The following GSE1 variants were observed in gnomAD, a reference collection of about 807,000 sequenced individuals.
GSE1 encodes Gse1 coiled-coil protein, also known as genetic suppressor element 1.
Under a neutral mutation model 112.6 loss-of-function variants are expected in GSE1, and 32 were observed. The ratio of observed to expected loss-of-function variants is 0.28; its 90% CI spans 0.21 to 0.38. The LOEUF (loss-of-function observed/expected upper bound fraction) is 0.38, where lower values mean the gene tolerates loss of function less well. GSE1 is among the 10% of genes least tolerant of loss of function. The pLI is 1.00. For missense variants in GSE1, 2,348 were observed against 1,699.2 expected, an observed-to-expected ratio of 1.38 and a Z score of -6.71; for synonymous variants, 1,115 against 735.6, an observed-to-expected ratio of 1.52 and a Z score of -8.35.
chr16:85,654,395 C>A lies in GSE1; in HGVS notation c.544C>A (p.Pro182Thr), dbSNP rs373051722. 1.2e-6 allele frequency: 2 copies of A among 1,604,610 alleles called. No homozygotes were observed. The highest frequency in any genetic ancestry group is 2.7e-5 in the African/African-American group (2 of 74,626). ...CTCGCACCTGCTCAGCACCCCCTACCCCTTCGGCCTCTCCCCCAGCTCAGT... is the reference window on the plus strand; with the variant it reads ...CTCGCACCTGCTCAGCACCCCCTACACCTTCGGCCTCTCCCCCAGCTCAGT... ...IPSHLLSTPY[P>T]FGLSPSSVVQ... Residue 182 changes from proline to threonine, a missense_variant, in exon 4 of 16, where the codon CCC becomes ACC. Physicochemically the swap from Pro to Thr is conservative, Grantham distance 38. Coordinates refer to ENST00000253458, the MANE Select transcript of GSE1 (RefSeq NM_014615.5).
chr16:85,461,796 C>G (rs1176121570), intron 2 of GSE1, among the ~76,000 whole-genome samples: 1 of 152,156 alleles, frequency 6.6e-6, no homozygotes, highest in Non-Finnish European at 1.5e-5. Context: ...TGCAGCTCCC[C>G]TATTCCATCC....
chr16:85,537,339 G>A (rs543798031), intron 2 of GSE1, among the ~76,000 whole-genome samples: 7 of 152,298 alleles, frequency 4.6e-5, no homozygotes, highest in African/African-American at 1.2e-4. Flanking sequence ...GAGAGAGGGC[G>A]GGACAGTGGA....
chr16:85,281,636 C>T (rs2044861026), intron 1 of GSE1, among the ~76,000 whole-genome samples: 1 of 152,120 alleles, frequency 6.6e-6, no homozygotes, highest in Non-Finnish European at 1.5e-5. Flanking sequence ...AGAGAAAACC[C>T]TAGAAGAATG....
Position 85,672,467 on chromosome 16 carries a change from C to T in GSE1, c.3582C>T (p.Asp1194=), listed in dbSNP as rs771349834. ...GGGAGCGGCTCCAGGCAGAACTGGACCACTTACGAAAGTGCCTTGCCTTGC... is the reference window on the plus strand; with the variant it reads ...GGGAGCGGCTCCAGGCAGAACTGGATCACTTACGAAAGTGCCTTGCCTTGC... ...SERERLQAEL[D]HLRKCLALPA... The change falls in exon 16 of 16, where the codon GAC becomes GAT. Residue 1194 remains aspartate, a synonymous_variant. Transcript: ENST00000253458. 20 of 1,608,958 alleles carry T rather than the reference C, an allele frequency of 1.2e-5. No homozygotes were observed. Among genetic ancestry groups the T allele is most frequent in the Non-Finnish European group, 1.6e-5 (19 of 1,175,644 alleles).
At position 85,656,484 on chromosome 16, in the gene GSE1, T is replaced by TGAGAAGGAGCGCGAGCGC. The variant is rs879255401; in HGVS notation, c.1135_1152dup (p.Lys379_Glu384dup). The TGAGAAGGAGCGCGAGCGC allele has an allele frequency of 2.6e-6, 4 of 1,520,002 alleles. No individual in the cohort carries two copies. Among genetic ancestry groups the TGAGAAGGAGCGCGAGCGC allele is most frequent in the East Asian group, 2.5e-5 (1 of 40,538 alleles). The allele number at this position is 1,520,002 out of a possible 1,614,324, so 94.2% of individuals were successfully genotyped here. A position where few individuals can be genotyped will look rare whatever the true frequency, so the allele number is the denominator to read the frequency against. ...GCGAGCAAGAGAAGGAGCGTGAGCGTGAGAAGGAGCGCGAGCGCGAGCTGG... is the reference window on the plus strand; with the variant it reads ...GCGAGCAAGAGAAGGAGCGTGAGCGTGAGAAGGAGCGCGAGCGCGAGAAGGAGCGCGAGCGCGAGCTGG... On this transcript the variant is annotated inframe_insertion, in exon 7 of 16. Coordinates refer to ENST00000253458, the MANE Select transcript of GSE1 (RefSeq NM_014615.5).
intron 2 of GSE1, among the ~76,000 whole-genome samples, chr16:85,437,374 C>T (rs531104055): frequency 3.3e-5 from 5 of 152,256 alleles, no homozygotes; most frequent in African/African-American, 1.2e-4. Context: ...TCCCTCTTCT[C>T]ATTTTTATTT....
chr16:85,474,856 A>G (rs1375579325), intron 2 of GSE1, among the ~76,000 whole-genome samples: 1 of 152,060 alleles, frequency 6.6e-6, no homozygotes, highest in Non-Finnish European at 1.5e-5. Context: ...GTTGCTTTTC[A>G]TACTTCACCC....
chr16:85,300,401 T>TGA (rs1486541423), intron 1 of GSE1, among the ~76,000 whole-genome samples: 2 of 152,188 alleles, frequency 1.3e-5, no homozygotes, highest in African/African-American at 2.4e-5. Flanking sequence ...TTCCCAAACT[T>TGA]TCTCCTCTTC....
chr16:85,601,145 G>T (rs1198383073), intron 1 of GSE1, among the ~76,000 whole-genome samples: 1 of 152,102 alleles, frequency 6.6e-6, no homozygotes, highest in African/African-American at 2.4e-5. Context: ...AGGGAAGGGT[G>T]GTGGGGCTGG....
intron 2 of GSE1, among the ~76,000 whole-genome samples, chr16:85,539,687 C>T (rs1269167208): frequency 1.3e-5 from 2 of 152,130 alleles, no homozygotes; most frequent in East Asian, 3.9e-4. Context: ...AGAGACATGT[C>T]ACGTTGAAGG....
intron 1 of GSE1, chr16:85,306,429 G>A (rs1003468976): frequency 6.5e-6 from 1 of 152,832 alleles, no homozygotes; most frequent in Non-Finnish European, 1.5e-5. Flanking sequence ...TGCTTCTGTT[G>A]TGAGTTGTGC....
rs1348539031 is a variant in GSE1, at chr16:85,269,721, G to C, written c.2284-87742G>C. ...GGAAGGGGCTCCCAGTGTCCCCAAA[G>C]AGGAGCTGCACCAGACGCCCTTGCA... On this transcript the variant is annotated intron_variant, in intron 1 of 2. Coordinates refer to the GSE1 transcript ENST00000637419. 2.7e-5 allele frequency among the ~76,000 whole-genome samples: 4 copies of C among 149,150 alleles called. 1 individual carries two copies. The highest frequency in any genetic ancestry group is 9.7e-5 in the African/African-American group (4 of 41,264).
At chr16:85,661,902 T>C in intron 9 of GSE1, 137 bp downstream of exon 9, 1 of 810,034 alleles carries the variant, frequency 1.2e-6, no homozygotes, top group East Asian at 2.7e-5. Flanking sequence ...AGGTGGCAAG[T>C]GCACTGGCTT....
chr16:85,244,018 C>G (rs1181961622), intron 1 of GSE1, among the ~76,000 whole-genome samples: 1 of 152,114 alleles, frequency 6.6e-6, no homozygotes, highest in Non-Finnish European at 1.5e-5. Flanking sequence ...CCCAGCTACT[C>G]AGGAGGCTGA....
chr16:85,478,294 A>G (rs2050524899), intron 2 of GSE1, among the ~76,000 whole-genome samples: 1 of 152,060 alleles, frequency 6.6e-6, no homozygotes, highest in South Asian at 2.1e-4. Context: ...TGGGAGGCCG[A>G]GGCGGGCAGA....
chr16:85,570,400 G>A (rs1219322986), intron 1 of GSE1, among the ~76,000 whole-genome samples: 1 of 152,218 alleles, frequency 6.6e-6, no homozygotes, highest in Non-Finnish European at 1.5e-5. Context: ...GTGGCCTGCT[G>A]GCAGGCACTT....
At chr16:85,523,597 G>T (rs528267307) in intron 2 of GSE1, among the ~76,000 whole-genome samples, 5 of 152,334 alleles carry the variant, frequency 3.3e-5, no homozygotes, top group Non-Finnish European at 7.4e-5. Flanking sequence ...CCTGGCCCCA[G>T]CCGTGGGGGC....
chr16:85,402,695 G>T (rs1276566498), intron 2 of GSE1, among the ~76,000 whole-genome samples: 1 of 152,218 alleles, frequency 6.6e-6, no homozygotes, highest in Non-Finnish European at 1.5e-5. Context: ...GCTGAGGCGG[G>T]AGGTTCACTT....
intron 12 of GSE1, 135 bp downstream of exon 12, chr16:85,665,263 AG>A (rs1426827359): frequency 8.1e-6 from 5 of 615,730 alleles, no homozygotes; most frequent in Non-Finnish European, 1.5e-5. Flanking sequence ...TTCTTGTACC[AG>A]CGTACGATTC....
Sources: allele counts gnomAD v4.1 joint callset (sites outside exome capture counted in the v4.1 genomes callset), GRCh38; gene constraint gnomAD v4.1.1; transcripts MANE v1.5; gene names NCBI Gene and HGNC (gene_info 2026-07-23, HGNC 2026-07-21).